Variants in APOLD1 observed in about 807,000 individuals in gnomAD.
APOLD1 encodes the protein apolipoprotein L domain containing 1, also known as apolipoprotein L domain-containing protein 1.
A neutral mutation model predicts 15.3 loss-of-function variants in APOLD1; 22 were observed. The observed-to-expected ratio is 1.44, with a 90% CI of 1.03 to 2.05. The LOEUF is 2.05. Ranked by LOEUF, APOLD1 falls within the 30% of genes most tolerant of loss-of-function variation. The pLI is 0.00. For synonymous variants in APOLD1, 190 were observed against 167.4 expected, an observed-to-expected ratio of 1.13 and a Z score of -1.04; for missense variants, 394 against 353.5, an observed-to-expected ratio of 1.11 and a Z score of -0.92.
chr12:12,782,024 C>T (rs1947085202), upstream of APOLD1, among the ~76,000 whole-genome samples: 1 of 151,124 alleles, frequency 6.6e-6, no homozygotes, highest in African/African-American at 2.4e-5. Flanking sequence ...TTTGGGAGGC[C>T]GAGGTGGGCA....
intron 1 of APOLD1, among the ~76,000 whole-genome samples, chr12:12,754,921 C>T (rs991856064): frequency 6.6e-6 from 1 of 151,354 alleles, no homozygotes; most frequent in Non-Finnish European, 1.5e-5. Context: ...GTGGCACACA[C>T]CTGTGGTCCT....
intron 1 of APOLD1, among the ~76,000 whole-genome samples, chr12:12,766,813 C>A (rs1034913424): frequency 6.6e-6 from 1 of 151,854 alleles, no homozygotes; most frequent in African/African-American, 2.4e-5. Flanking sequence ...CACACTCCAA[C>A]CTGGGTGACA....
At chr12:12,747,169 T>G (rs1449072030) in intron 1 of APOLD1, among the ~76,000 whole-genome samples, 1 of 152,206 alleles carries the variant, frequency 6.6e-6, no homozygotes, top group Non-Finnish European at 1.5e-5. Flanking sequence ...TGGAGTGCAG[T>G]GGTGCCATTA....
At chr12:12,731,556 A>G (rs1035539468) in intron 1 of APOLD1, among the ~76,000 whole-genome samples, 3 of 152,232 alleles carry the variant, frequency 2.0e-5, no homozygotes, top group African/African-American at 7.2e-5. Flanking sequence ...TTTCCCCAAT[A>G]AATAAAGAGT....
chr12:12,787,102 G>A lies in APOLD1; in HGVS notation c.197G>A (p.Gly66Asp), dbSNP rs976978332. ...NVAGSSLSATGALAAIVGLSL... is the reference protein window; with the variant it reads ...NVAGSSLSATDALAAIVGLSL... Reference sequence around the variant, plus strand: ...GCCGGCAGCTCGCTGAGCGCAACGGGCGCCCTCGCCGCCATCGTGGGGCTC... The same window carrying A: ...GCCGGCAGCTCGCTGAGCGCAACGGACGCCCTCGCCGCCATCGTGGGGCTC... Residue 66 changes from glycine to aspartate, a missense_variant, in exon 2 of 2, where the codon GGC (glycine) becomes GAC (aspartate). Physicochemically the swap from Gly to Asp is moderately conservative, Grantham distance 94 (BLOSUM62 -1). Transcript: ENST00000356591. The surrounding 1 kb of genome is among the most constrained non-coding windows in gnomAD (Gnocchi z 4.9). The A allele has an allele frequency of 7.1e-7, 1 of 1,414,668 alleles. No homozygotes were observed. 87.6% of individuals were successfully genotyped at this position (1,414,668 alleles called of 1,614,324 possible). A position where few individuals can be genotyped will look rare whatever the true frequency, so the allele number is the denominator to read the frequency against.
At position 12,787,080 on chromosome 12, in the gene APOLD1, GGCAGCTCGCTGAGC is replaced by G; in HGVS notation, c.179_192del (p.Ser60AsnfsTer127). On this transcript the variant is annotated frameshift_variant, in exon 2 of 2. Coordinates refer to ENST00000356591, the MANE Select transcript of APOLD1 (RefSeq NM_030817.3). LOFTEE classifies it high-confidence loss of function. This position sits in a 1 kb window ranked among gnomAD's most constrained non-coding sequence, Gnocchi z 4.9. ...GCGCTCCCTCGTAGCCAACGTGGCC[GGCAGCTCGCTGAGC>G]GCAACGGGCGCCCTCGCCGCCATCG... 2.2e-6 allele frequency: 3 copies of G among 1,393,688 alleles called. No individual in the cohort carries two copies. The highest frequency in any genetic ancestry group is 2.8e-6 in the Non-Finnish European group (3 of 1,084,072). 86.3% of individuals were successfully genotyped at this position (1,393,688 alleles called of 1,614,324 possible).
chr12:12,734,496 A>G (rs146513760), intron 1 of APOLD1, among the ~76,000 whole-genome samples: 127 of 152,346 alleles, frequency 8.3e-4, no homozygotes, highest in Middle Eastern at 3.4e-3. Flanking sequence ...AGATGAGAAT[A>G]TTCTAATTCT....
Position 12,730,398 on chromosome 12 carries a change from C to T in APOLD1, c.96+4302C>T, listed in dbSNP as rs534531253. Among the ~76,000 whole-genome samples the T allele has an allele frequency of 5.9e-5, 9 of 152,046 alleles. No individual in the cohort carries two copies. In the South Asian group the frequency reaches 1.2e-3, roughly 21 times the overall value. ...ACTTCACCTTTTAAAGATTTTATTT[C>T]GGCCAGGCATGGTGGCTCACACCTG... On this transcript the variant is annotated intron_variant, in intron 1 of 1. Transcript: ENST00000326765.
At chr12:12,758,140 G>A (rs1483866375) in intron 1 of APOLD1, among the ~76,000 whole-genome samples, 1 of 144,488 alleles carries the variant, frequency 6.9e-6, no homozygotes, top group Non-Finnish European at 1.5e-5. Context: ...GTTTCACTGT[G>A]TTAGCCAGGA....
At chr12:12,784,823 A>G (rs1947111424), upstream of APOLD1, among the ~76,000 whole-genome samples, 1 of 152,166 alleles carries the variant, frequency 6.6e-6, no homozygotes, top group Non-Finnish European at 1.5e-5. Flanking sequence ...CAGAAGCTAC[A>G]TTCACTTTTC....
intron 1 of APOLD1, among the ~76,000 whole-genome samples, chr12:12,731,052 A>G (rs1267643626): frequency 6.6e-6 from 1 of 152,088 alleles, no homozygotes; most frequent in African/African-American, 2.4e-5. Flanking sequence ...GAGGCAGGAG[A>G]ATGGCGTGAA....
At chr12:12,770,280 C>T (rs1565434920) in intron 1 of APOLD1, among the ~76,000 whole-genome samples, 1 of 152,128 alleles carries the variant, frequency 6.6e-6, no homozygotes, top group Non-Finnish European at 1.5e-5. Flanking sequence ...TGGCACATGC[C>T]TGTAACCCCA....
intron 1 of APOLD1, among the ~76,000 whole-genome samples, chr12:12,768,912 C>T (rs745754140): frequency 4.6e-5 from 7 of 151,626 alleles, no homozygotes; most frequent in Non-Finnish European, 8.8e-5. Flanking sequence ...AGTTTCCATT[C>T]TGGCATGTAA....
At chr12:12,757,793 A>G (rs899880741) in intron 1 of APOLD1, among the ~76,000 whole-genome samples, 5 of 152,066 alleles carry the variant, frequency 3.3e-5, no homozygotes, top group Admixed American at 3.3e-4. Context: ...CCTGAGTTTT[A>G]TAGCATTTCC....
In APOLD1 at chr12:12,787,399, A is replaced by T. The variant is rs765743632; in HGVS notation, c.494A>T (p.Asn165Ile). The T allele has an allele frequency of 6.2e-7, 1 of 1,614,196 alleles. No individual in the cohort carries two copies. Among genetic ancestry groups the T allele is most frequent in the South Asian group, 1.1e-5 (1 of 91,090 alleles). ...AGGAACGCCTCCATCGCCCTGTACA[A>T]TTCTGTCTACTTCATCGTCTTCTTT... ...CGRNASIALY[N>I]SVYFIVFFGS... is the part of the protein sequence containing the mutation. The change falls in exon 2 of 2, where the codon AAT (asparagine) becomes ATT (isoleucine). Residue 165 changes from asparagine to isoleucine, a missense_variant. By Grantham distance (149) the Asn-to-Ile change is moderately radical. Coordinates refer to ENST00000356591, the MANE Select transcript of APOLD1 (RefSeq NM_030817.3). The surrounding 1 kb of genome is among the most constrained non-coding windows in gnomAD (Gnocchi z 4.9).
intron 1 of APOLD1, among the ~76,000 whole-genome samples, chr12:12,735,373 T>C (rs997341137): frequency 6.6e-6 from 1 of 152,018 alleles, no homozygotes; most frequent in Non-Finnish European, 1.5e-5. Context: ...GAATCCCTCC[T>C]AAAGAAATGA....
At chr12:12,729,620 T>C (rs901907907) in intron 1 of APOLD1, among the ~76,000 whole-genome samples, 3 of 151,858 alleles carry the variant, frequency 2.0e-5, no homozygotes, top group Non-Finnish European at 4.4e-5. Context: ...AAGACCTGTT[T>C]CTAAAAAATA....
chr12:12,747,279 G>A (rs912950092), intron 1 of APOLD1, among the ~76,000 whole-genome samples: 4 of 152,064 alleles, frequency 2.6e-5, no homozygotes, highest in South Asian at 2.1e-4. Context: ...TCTAGCCCAC[G>A]TCTCTTACTA....
rs985713995 is a variant in APOLD1 at position 12,786,967 on chromosome 12, A to G, written c.62A>G (p.Gln21Arg). The G allele has an allele frequency of 6.9e-6, 10 of 1,458,820 alleles. No individual in the cohort carries two copies. In the East Asian group the frequency reaches 2.4e-4, roughly 35 times the overall value. The allele number at this position is 1,458,820 out of a possible 1,614,324, so 90.4% of individuals were successfully genotyped here. Residue 21 changes from glutamine to arginine, a missense_variant, in exon 2 of 2, where the codon CAG (glutamine) becomes CGG (arginine). Physicochemically the swap from Gln to Arg is conservative, Grantham distance 43. Transcript: ENST00000356591. ...GGGCCCGACGCGCTGCGGCGCTTCC[A>G]GGGACTGCTGCTGGACCGCCGAGGC... is the stretch of plus-strand genomic sequence containing the variant. ...PHGPDALRRF[Q>R]GLLLDRRGRL... is the part of the protein sequence containing the mutation.
Sources: gnomAD v4.1 joint callset for allele counts (sites outside exome capture counted in the v4.1 genomes callset) on GRCh38, gnomAD v4.1.1 for gene constraint, Gnocchi (gnomAD v3.1) non-coding constraint, MANE v1.5 for transcripts, NCBI Gene and HGNC (gene_info 2026-07-23, HGNC 2026-07-21) for gene names.